Variants in PHACTR2 observed in about 807,000 individuals in gnomAD.
PHACTR2 encodes the protein chromosome 6 open reading frame 56.
Under a neutral mutation model 76.0 loss-of-function variants are expected in PHACTR2, and 30 were observed. The observed-to-expected ratio is 0.39, with a 90% CI of 0.30 to 0.54. The LOEUF (loss-of-function observed/expected upper bound fraction) is 0.54, where lower values mean the gene tolerates loss of function less well. Among genes scored for constraint, PHACTR2 ranks in the 20% least tolerant of loss-of-function variants. The probability of loss-of-function intolerance (pLI) is 0.61; values close to 1 mark genes in which losing one functional copy is unlikely to be tolerated. For missense variants in PHACTR2, 696 were observed against 781.1 expected, an observed-to-expected ratio of 0.89 and a Z score of 1.30; for synonymous variants, 292 against 292.5, an observed-to-expected ratio of 1.00 and a Z score of 0.02.
At position 143,818,993 on chromosome 6, in the gene PHACTR2, T is replaced by C. The variant is rs907268564; in HGVS notation, c.1923-4681T>C. ...GTGGTTGACTCTTCCTAGAAAACAT[T>C]TTGGAATGTCCTGTCAGGTGGGTTA... On this transcript the variant is annotated intron_variant, in intron 12 of 12. Coordinates refer to ENST00000440869, the MANE Select transcript of PHACTR2 (RefSeq NM_001100164.2). The surrounding 1 kb of genome is among the most constrained non-coding windows in gnomAD (Gnocchi z 4.9). Among the ~76,000 whole-genome samples the C allele has an allele frequency of 6.6e-6, 1 of 152,216 alleles. No homozygotes were observed. Among genetic ancestry groups the C allele is most frequent in the Non-Finnish European group, 1.5e-5 (1 of 68,040 alleles).
At position 143,787,407 on chromosome 6, in the gene PHACTR2, T is replaced by C. The variant is rs1027816649; in HGVS notation, c.1708-1366T>C. 6.6e-6 allele frequency among the ~76,000 whole-genome samples: 1 copy of C among 152,218 alleles called. No homozygotes were observed. Among genetic ancestry groups the C allele is most frequent in the African/African-American group, 2.4e-5 (1 of 41,462 alleles). On this transcript the variant is annotated intron_variant, in intron 10 of 12. Coordinates refer to ENST00000440869, the MANE Select transcript of PHACTR2 (RefSeq NM_001100164.2). The surrounding 1 kb of genome is among the most constrained non-coding windows in gnomAD (Gnocchi z 4.6). ...GACTATAGCAGATCACTTAGATTAT[T>C]CTTTCTCTTGTCCATTGCCTACCGG...
intron 1 of PHACTR2, among the ~76,000 whole-genome samples, chr6:143,685,856 G>C (rs1301752925): frequency 6.6e-6 from 1 of 152,126 alleles, no homozygotes; most frequent in East Asian, 1.9e-4. Context: ...CTTAGGCCGG[G>C]CGTGGTGGCT....
rs971964128 is a variant in PHACTR2, at chr6:143,653,218, G to A, written c.13+44896G>A. On this transcript the variant is annotated intron_variant, in intron 1 of 11. Coordinates refer to the PHACTR2 transcript ENST00000305766. The surrounding 1 kb of genome is among the most constrained non-coding windows in gnomAD (Gnocchi z 4.9). The stretch of plus-strand genomic sequence containing the variant: ...GGAAGCAATTTGTGCATCGAGACTC[G>A]AGCTGCTTTGGAGTTTCCCTCTGGA... Among the ~76,000 whole-genome samples, 8 of 152,130 alleles carry A rather than the reference G, an allele frequency of 5.3e-5. No homozygotes were observed. Among genetic ancestry groups the A allele is most frequent in the Non-Finnish European group, 1.0e-4 (7 of 68,024 alleles).
rs551123962 is a variant in PHACTR2, at chr6:143,566,492, A to C, written c.217+29285A>C. Among the ~76,000 whole-genome samples, 3 of 147,812 alleles carry C rather than the reference A, an allele frequency of 2.0e-5. No homozygotes were observed. The South Asian group carries it at 6.5e-4, about 32-fold the overall frequency. On this transcript the variant is annotated intron_variant, in intron 1 of 11. Transcript: ENST00000367584. ...GTTGTTGTTGTTGTTTTGTAGAGAA[A>C]GGGGTCTTACTGTGTTGCCCAGGCT...
chr6:143,585,765 T>G lies in PHACTR2; in HGVS notation c.217+48558T>G, dbSNP rs940120635. Reference sequence around the variant, plus strand: ...TGTCCCCCAGCTCCTCAAAATGATGTGGGAGAATAAGACTTCTTAGGTAAT... The same window carrying G: ...TGTCCCCCAGCTCCTCAAAATGATGGGGGAGAATAAGACTTCTTAGGTAAT... On this transcript the variant is annotated intron_variant, in intron 1 of 11. Coordinates refer to the PHACTR2 transcript ENST00000367584. This position sits in a 1 kb window ranked among gnomAD's most constrained non-coding sequence, Gnocchi z 5.2. Among the ~76,000 whole-genome samples, 7 of 152,164 alleles carry G rather than the reference T, an allele frequency of 4.6e-5. No homozygotes were observed. In the East Asian group the frequency reaches 1.3e-3, roughly 29 times the overall value.
At chr6:143,799,659 G>A (rs963463048) in intron 11 of PHACTR2, among the ~76,000 whole-genome samples, 3 of 152,202 alleles carry the variant, frequency 2.0e-5, no homozygotes, top group African/African-American at 7.2e-5. Flanking sequence ...TAGTCATTCA[G>A]GAGCAGGTTG....
intron 3 of PHACTR2, among the ~76,000 whole-genome samples, chr6:143,752,302 G>A (rs1396162018): frequency 1.3e-5 from 2 of 151,736 alleles, no homozygotes; most frequent in Admixed American, 1.3e-4. Flanking sequence ...ATAAGCAAGT[G>A]GTTTTCTATT....
In PHACTR2 at chr6:143,549,680, C is replaced by G. The variant is rs1775061355; in HGVS notation, c.217+12473C>G. Among the ~76,000 whole-genome samples the G allele has an allele frequency of 6.6e-6, 1 of 152,052 alleles. No individual in the cohort carries two copies. Among genetic ancestry groups the G allele is most frequent in the Admixed American group, 6.6e-5 (1 of 15,266 alleles). On this transcript the variant is annotated intron_variant, in intron 1 of 11. Transcript: ENST00000367584. This position sits in a 1 kb window ranked among gnomAD's most constrained non-coding sequence, Gnocchi z 4.2. Reference sequence around the variant, plus strand: ...AGCAAATGTCCCTGTTCCACCTCCCCTTCCTGAGCTGCCTGGCTGCCACTC... The same window carrying G: ...AGCAAATGTCCCTGTTCCACCTCCCGTTCCTGAGCTGCCTGGCTGCCACTC...
rs1306396803 is a variant in PHACTR2 at position 143,554,942 on chromosome 6, T to G, written c.217+17735T>G. On this transcript the variant is annotated intron_variant, in intron 1 of 11. Coordinates refer to the PHACTR2 transcript ENST00000367584. This position sits in a 1 kb window ranked among gnomAD's most constrained non-coding sequence, Gnocchi z 5.9. ...TGTTGAGTTGATAAATAATCCTTTGTGGTATATACATTGGAAGTATTTTTC... is the reference window on the plus strand; with the variant it reads ...TGTTGAGTTGATAAATAATCCTTTGGGGTATATACATTGGAAGTATTTTTC... The G allele has an allele frequency of 6.6e-6, 1 of 152,236 alleles. No homozygotes were observed. Among genetic ancestry groups the G allele is most frequent in the African/African-American group, 2.4e-5 (1 of 41,450 alleles). The allele number at this position is 152,236 out of a possible 1,614,324, so 9.4% of individuals were successfully genotyped here.
Position 143,616,589 on chromosome 6 carries a change from C to T in PHACTR2, c.13+8267C>T, listed in dbSNP as rs34656252. Among the ~76,000 whole-genome samples the T allele has an allele frequency of 0.069, 10,432 of 152,140 alleles. 397 individuals are homozygous for T. The highest frequency in any genetic ancestry group is 0.1 in the African/African-American group (4,161 of 41,488). On this transcript the variant is annotated intron_variant, in intron 1 of 11. Transcript: ENST00000305766. This position sits in a 1 kb window ranked among gnomAD's most constrained non-coding sequence, Gnocchi z 4.9. ...TTTCCTGGTCACCCACTCTGTGCCA[C>T]GCAATGTCCTAGTTAGTGTGGATAT...
At position 143,583,493 on chromosome 6, in the gene PHACTR2, CAAG is replaced by C. The variant is rs1247074038; in HGVS notation, c.217+46289_217+46291del. 2.0e-5 allele frequency among the ~76,000 whole-genome samples: 3 copies of C among 152,064 alleles called. No homozygotes were observed. The highest frequency in any genetic ancestry group is 4.4e-5 in the Non-Finnish European group (3 of 67,978). On this transcript the variant is annotated intron_variant, in intron 1 of 11. Transcript: ENST00000367584. The surrounding 1 kb of genome is among the most constrained non-coding windows in gnomAD (Gnocchi z 4.0). Reference sequence around the variant, plus strand: ...TTAATCACAAAAGCAGAGAGTCTGACAAGAATTTGAAAAAGGGTGTATAGAATA... The same window carrying C: ...TTAATCACAAAAGCAGAGAGTCTGACAATTTGAAAAAGGGTGTATAGAATA...
intron 1 of PHACTR2, among the ~76,000 whole-genome samples, chr6:143,572,291 C>T (rs1775454030): frequency 6.6e-6 from 1 of 152,176 alleles, no homozygotes; most frequent in African/African-American, 2.4e-5. Context: ...TTGATAACAG[C>T]ATCTCTGTTT....
At chr6:143,796,247 C>G (rs1028027803) in intron 11 of PHACTR2, among the ~76,000 whole-genome samples, 4 of 152,212 alleles carry the variant, frequency 2.6e-5, no homozygotes, top group African/African-American at 9.6e-5. Context: ...GATGAGTAGT[C>G]CAGAAATCCT....
chr6:143,704,406 G>A (rs1777994587), intron 1 of PHACTR2, among the ~76,000 whole-genome samples: 1 of 152,166 alleles, frequency 6.6e-6, no homozygotes, highest in Non-Finnish European at 1.5e-5. Context: ...AACTCTTTCA[G>A]CTGAAATCTT....
chr6:143,665,202 T>C (rs888975091), intron 1 of PHACTR2, among the ~76,000 whole-genome samples: 5 of 152,252 alleles, frequency 3.3e-5, no homozygotes, highest in African/African-American at 1.2e-4. Flanking sequence ...TACCTGGATA[T>C]AGAATTCTAA....
chr6:143,649,605 C>A (rs1250807954), intron 1 of PHACTR2, among the ~76,000 whole-genome samples: 1 of 152,176 alleles, frequency 6.6e-6, no homozygotes, highest in African/African-American at 2.4e-5. Flanking sequence ...ACATGATTAT[C>A]TCAATAGATG....
In PHACTR2 at chr6:143,617,839, TGTGGAGTCTGTA is replaced by T. The variant is rs137952427; in HGVS notation, c.13+9519_13+9530del. 7.4e-3 allele frequency among the ~76,000 whole-genome samples: 1,124 copies of T among 152,290 alleles called. 19 individuals carry two copies. Among genetic ancestry groups the T allele is most frequent in the African/African-American group, 0.024 (1,006 of 41,552 alleles). ...AGCCAGACTTTCTATAATCCACCCTTGTGGAGTCTGTAGACTGGATCAAAGAAGGTGGTTACG... is the reference window on the plus strand; with the variant it reads ...AGCCAGACTTTCTATAATCCACCCTTGACTGGATCAAAGAAGGTGGTTACG... On this transcript the variant is annotated intron_variant, in intron 1 of 11. Coordinates refer to the PHACTR2 transcript ENST00000305766. The surrounding 1 kb of genome is among the most constrained non-coding windows in gnomAD (Gnocchi z 4.8).
In PHACTR2 at chr6:143,772,389, A is replaced by G; in HGVS notation, c.1364A>G (p.Asp455Gly). ...AGGGAATACCAAGCCAATGACTCTG[A>G]CTCGGACGGGCCTATCTTGTACACC... ...GHREYQANDS[D>G]SDGPILYTDD... The change falls in exon 7 of 13, where the codon GAC (aspartate) becomes GGC (glycine). Residue 455 changes from aspartate to glycine, a missense_variant. By Grantham distance (94) the Asp-to-Gly change is moderately conservative. Coordinates refer to ENST00000440869, the MANE Select transcript of PHACTR2 (RefSeq NM_001100164.2). The surrounding 1 kb of genome is among the most constrained non-coding windows in gnomAD (Gnocchi z 5.4). The G allele has an allele frequency of 6.2e-7, 1 of 1,614,100 alleles. No homozygotes were observed. Among genetic ancestry groups the G allele is most frequent in the African/African-American group, 1.3e-5 (1 of 75,006 alleles).
In PHACTR2 at chr6:143,697,967, TAATAAC is replaced by T. The variant is rs1349526010; in HGVS notation, c.47-14046_47-14041del. ...TAGTCTTTTTTTTAACCTACTCACT[TAATAAC>T]AACAACAATTAAAAATCATTTTTAT... On this transcript the variant is annotated intron_variant, in intron 1 of 12. Transcript: ENST00000440869. This position sits in a 1 kb window ranked among gnomAD's most constrained non-coding sequence, Gnocchi z 4.4. Among the ~76,000 whole-genome samples the T allele has an allele frequency of 6.6e-6, 1 of 152,064 alleles. No individual in the cohort carries two copies. The highest frequency in any genetic ancestry group is 1.5e-5 in the Non-Finnish European group (1 of 68,040).
Sources: gnomAD v4.1 joint callset for allele counts (sites outside exome capture counted in the v4.1 genomes callset) on GRCh38, gnomAD v4.1.1 for gene constraint, Gnocchi (gnomAD v3.1) non-coding constraint, MANE v1.5 for transcripts, NCBI Gene and HGNC (gene_info 2026-07-23, HGNC 2026-07-21) for gene names.